Variants in TECPR1 observed in about 807,000 individuals in gnomAD.
TECPR1 encodes the protein tectonin beta-propeller repeat-containing protein 1.
Under a neutral mutation model 162.4 loss-of-function variants are expected in TECPR1, and 122 were observed. The ratio of observed to expected loss-of-function variants is 0.75; its 90% confidence interval spans 0.65 to 0.87. The LOEUF is 0.87. Among genes scored for constraint, TECPR1 ranks in the 40% least tolerant of loss-of-function variants. TECPR1 has a pLI of 0.00. For missense variants in TECPR1, 1,432 were observed against 1,618.2 expected (o/e 0.88, Z 1.97); for synonymous variants, 642 against 670.6 (o/e 0.96, Z 0.66).
intron 21 of TECPR1, 137 bp from the exon 22 acceptor site, chr7:98,222,658 C>T: frequency 9.1e-7 from 1 of 1,096,374 alleles, no homozygotes; most frequent in Non-Finnish European, 1.3e-6. Flanking sequence ...CACAGCCCCA[C>T]CCGGCCTGAT....
chr7:98,222,607 C>T lies in TECPR1; in HGVS notation c.2929-86G>A, dbSNP rs986271779. 1.4e-5 allele frequency: 20 copies of T among 1,476,946 alleles called. No homozygotes were observed. In the Admixed American group the frequency reaches 1.5e-4, roughly 11 times the overall value. 91.5% of individuals were successfully genotyped at this position (1,476,946 alleles called of 1,614,324 possible). A position where few individuals can be genotyped will look rare whatever the true frequency, so the allele number is the denominator to read the frequency against. On this transcript the variant is annotated intron_variant, in intron 21 of 25. Coordinates refer to ENST00000447648, the MANE Select transcript of TECPR1 (RefSeq NM_015395.3). ...CCAGGACCAGCAGAAATGGGCCTAG[C>T]GCGTGGGCAGCATAGGTGGCTGGGG...
At chr7:98,234,343 CG>C (rs1407010975) in intron 10 of TECPR1, among the ~76,000 whole-genome samples, 1 of 152,094 alleles carries the variant, frequency 6.6e-6, no homozygotes, top group East Asian at 1.9e-4. Context: ...TTAGTAGAGA[CG>C]GGGTTTCACC....
At chr7:98,249,087 C>A (rs1371786610) in intron 2 of TECPR1, among the ~76,000 whole-genome samples, 2 of 151,976 alleles carry the variant, frequency 1.3e-5, no homozygotes, top group Non-Finnish European at 2.9e-5. Context: ...TGGGGTTTTG[C>A]CACTTTGGCC....
rs935706533 is a variant in TECPR1 at position 98,251,561 on chromosome 7, A to G, written c.-174-13T>C. The G allele has an allele frequency of 3.3e-5, 5 of 152,306 alleles. No individual in the cohort carries two copies. The highest frequency in any genetic ancestry group is 1.2e-4 in the African/African-American group (5 of 41,458). The allele number at this position is 152,306 out of a possible 1,614,324, so 9.4% of individuals were successfully genotyped here. ...CGACATCAGGGTCCTAAAAGGTGGGAAAAAGCAGCAGAACTTGCATGGTAG... is the reference window on the plus strand; with the variant it reads ...CGACATCAGGGTCCTAAAAGGTGGGGAAAAGCAGCAGAACTTGCATGGTAG... On this transcript the variant is annotated splice_polypyrimidine_tract_variant and intron_variant, in intron 1 of 25. Transcript: ENST00000447648.
At chr7:98,218,367 C>T (rs983882489) in intron 23 of TECPR1, among the ~76,000 whole-genome samples, 8 of 152,124 alleles carry the variant, frequency 5.3e-5, no homozygotes, top group African/African-American at 1.9e-4. Flanking sequence ...GAAGTCCTAG[C>T]CAGAGCAATC....
In TECPR1 at chr7:98,215,221, C is replaced by T. The variant is rs1045850; in HGVS notation, c.*2169G>A. 3.3e-5 allele frequency: 5 copies of T among 152,362 alleles called. No individual in the cohort carries two copies. Among genetic ancestry groups the T allele is most frequent in the East Asian group, 3.9e-4 (2 of 5,180 alleles). 9.4% of individuals were successfully genotyped at this position (152,362 alleles called of 1,614,324 possible). Reference sequence around the variant, plus strand: ...CGACAGACAGGCGCCCTGAGAGCTCCGAAGGCGCGATCCCCATCCCCACCA... The same window carrying T: ...CGACAGACAGGCGCCCTGAGAGCTCTGAAGGCGCGATCCCCATCCCCACCA... On this transcript the variant is annotated 3_prime_UTR_variant, in exon 26 of 26. Transcript: ENST00000447648.
At chr7:98,246,584 TTTTG>T (rs1191794317) in intron 2 of TECPR1, among the ~76,000 whole-genome samples, 1 of 150,312 alleles carries the variant, frequency 6.7e-6, no homozygotes, top group African/African-American at 2.4e-5. Context: ...TTCTTTCTTT[TTTTG>T]TTTATTTTTT....
At chr7:98,230,847 G>C in intron 15 of TECPR1, 114 bp downstream of exon 15, 1 of 1,375,860 alleles carries the variant, frequency 7.3e-7, no homozygotes, top group Non-Finnish European at 9.7e-7. Flanking sequence ...CCTCTGCCTG[G>C]TCAGCGAGAA....
rs759530130 is a variant in TECPR1 at position 98,228,044 on chromosome 7, C to T, written c.2483G>A (p.Arg828His). The change falls in exon 17 of 26, where the codon CGC (arginine) becomes CAC (histidine). Residue 828 changes from arginine to histidine, a missense_variant. Arg to His is a conservative substitution (Grantham distance 29). Coordinates refer to ENST00000447648, the MANE Select transcript of TECPR1 (RefSeq NM_015395.3). ...GGTGTAGCCTGTGACGGGGTTCCAG[C>T]GCTGGTTCTCATAGATGTGAACACA... ...VKCVHIYENQ[R>H]WNPVTGYTSR... 5 of 1,612,806 alleles carry T rather than the reference C, an allele frequency of 3.1e-6. No homozygotes were observed. The highest frequency in any genetic ancestry group is 1.1e-5 in the South Asian group (1 of 90,640).
chr7:98,226,906 C>T (rs1035589073), intron 17 of TECPR1: 1 of 168,228 alleles, frequency 5.9e-6, no homozygotes, highest in African/African-American at 2.4e-5. Flanking sequence ...GCACTCCAGC[C>T]TGGGCGACAG....
intron 5 of TECPR1, 24 bp from the exon 6 acceptor site, chr7:98,243,616 G>A: frequency 6.2e-7 from 1 of 1,606,296 alleles, no homozygotes; most frequent in Admixed American, 1.7e-5. Context: ...GTGAGAAATG[G>A]TAGCAGTCAG....
chr7:98,226,261 C>T (rs1343296667), intron 17 of TECPR1, among the ~76,000 whole-genome samples: 3 of 152,216 alleles, frequency 2.0e-5, no homozygotes, highest in African/African-American at 4.8e-5. Context: ...AATATTTTGG[C>T]GATGTGTGCC....
chr7:98,220,707 C>T (rs928741798), intron 23 of TECPR1, among the ~76,000 whole-genome samples: 10 of 152,052 alleles, frequency 6.6e-5, no homozygotes, highest in South Asian at 6.2e-4. Flanking sequence ...TACAGGCACC[C>T]GCCACCACGC....
chr7:98,222,184 C>A lies in TECPR1; in HGVS notation c.3064+202G>T, dbSNP rs564590862. On this transcript the variant is annotated intron_variant, in intron 22 of 25. Transcript: ENST00000447648. ...TGCAGGGCCGAGACACAGGGGCCAC[C>A]CCAGGAAGGGCCAGGCAGGCCTGGC... 9.2e-5 allele frequency among the ~76,000 whole-genome samples: 14 copies of A among 152,302 alleles called. 2 individuals are homozygous for A. Among genetic ancestry groups the A allele is most frequent in the Admixed American group, 9.2e-4 (14 of 15,300 alleles).
chr7:98,239,926 C>T (rs767101350), intron 8 of TECPR1, among the ~76,000 whole-genome samples: 29 of 151,946 alleles, frequency 1.9e-4, no homozygotes, highest in East Asian at 1.9e-4. Flanking sequence ...CTGGCTAACT[C>T]GGTGATACCC....
Position 98,234,669 on chromosome 7 carries a change from C to T in TECPR1, c.1182-758G>A, listed in dbSNP as rs1013928537. ...TTCCTACCAGCAGTGTATGAAGTTC[C>T]AATTTCTCCATGTTCTCACTAGCAT... is the stretch of plus-strand genomic sequence containing the variant. On this transcript the variant is annotated intron_variant, in intron 10 of 25. Coordinates refer to ENST00000447648, the MANE Select transcript of TECPR1 (RefSeq NM_015395.3). Among the ~76,000 whole-genome samples the T allele has an allele frequency of 2.6e-5, 4 of 151,020 alleles. No homozygotes were observed. The South Asian group carries it at 8.4e-4, about 32-fold the overall frequency.
Position 98,232,353 on chromosome 7 carries a change from C to G in TECPR1, c.1819-394G>C, listed in dbSNP as rs1798467088. Reference sequence around the variant, plus strand: ...TTTGGAATGAGGCAGGTCACATGCTCTGTGTGACTTCCCTGTCACCCCCAC... The same window carrying G: ...TTTGGAATGAGGCAGGTCACATGCTGTGTGTGACTTCCCTGTCACCCCCAC... On this transcript the variant is annotated intron_variant, in intron 12 of 25. Coordinates refer to ENST00000447648, the MANE Select transcript of TECPR1 (RefSeq NM_015395.3). This position sits in a 1 kb window ranked among gnomAD's most constrained non-coding sequence, Gnocchi z 4.6. 1.3e-5 allele frequency among the ~76,000 whole-genome samples: 2 copies of G among 152,102 alleles called. No homozygotes were observed. Among genetic ancestry groups the G allele is most frequent in the African/African-American group, 2.4e-5 (1 of 41,416 alleles).
intron 17 of TECPR1, chr7:98,226,445 C>T (rs1798281100): frequency 3.0e-6 from 3 of 1,002,692 alleles, no homozygotes; most frequent in Non-Finnish European, 3.6e-6. Context: ...ACTCTGGGTA[C>T]AGAACGGTGA....
At chr7:98,231,544 C>A (rs571235793) in intron 13 of TECPR1, 171 bp from the exon 14 acceptor site, 447 of 628,564 alleles carry the variant, frequency 7.1e-4, no homozygotes, top group Non-Finnish European at 1.0e-3. Flanking sequence ...CCTCCCCAGG[C>A]ACCCCCATTT....
Sources: gnomAD v4.1 joint callset for allele counts (sites outside exome capture counted in the v4.1 genomes callset) on GRCh38, gnomAD v4.1.1 for gene constraint, Gnocchi (gnomAD v3.1) non-coding constraint, MANE v1.5 for transcripts, NCBI Gene and HGNC (gene_info 2026-07-23, HGNC 2026-07-21) for gene names.